Variants in SON observed in about 807,000 individuals in gnomAD.
SON encodes the protein protein SON.
In SON, 4 loss-of-function variants were observed where a neutral mutation model predicts 173.3. The ratio of observed to expected loss-of-function variants is 0.02; its 90% CI spans 0.01 to 0.05. The LOEUF is 0.05. SON is among the 10% of genes least tolerant of loss of function. SON has a pLI of 1.00. For synonymous variants in SON, 1,190 were observed against 1,105.9 expected (o/e 1.08, Z -1.51); for missense variants, 2,626 against 3,055.3 (o/e 0.86, Z 3.31).
At chr21:33,549,335 A>C (rs1280809538) in intron 2 of SON, 141 bp from the exon 3 acceptor site, 2 of 612,660 alleles carry the variant, frequency 3.3e-6, no homozygotes, top group East Asian at 3.2e-5. Context: ...GGCCTCTCAG[A>C]GTGCTAAGAT....
rs1569056292 is a variant in SON at position 33,553,162 on chromosome 21, A to G, written c.3931A>G (p.Thr1311Ala). 5 of 1,614,154 alleles carry G rather than the reference A, an allele frequency of 3.1e-6. No individual in the cohort carries two copies. The East Asian group carries it at 1.1e-4, about 36-fold the overall frequency. ...EPPVMSETAE[T>A]FDSMRASGHV... Reference sequence around the variant, plus strand: ...TCCTGTTATGTCAGAGACAGCAGAAACATTTGATTCCATGAGAGCCTCAGG... The same window carrying G: ...TCCTGTTATGTCAGAGACAGCAGAAGCATTTGATTCCATGAGAGCCTCAGG... The change falls in exon 3 of 12, where the codon ACA becomes GCA. Residue 1311 changes from threonine (T) to alanine (A), a missense_variant. Physicochemically the swap from Thr to Ala is moderately conservative, Grantham distance 58. Around this residue, in one of 13 missense-constraint regions of SON, gnomAD observed 1,006 missense variants for 895.6 expected, o/e 1.12. Transcript: ENST00000356577.
chr21:33,553,774 G>A lies in SON; in HGVS notation c.4543G>A (p.Ala1515Thr), dbSNP rs2085879675. The change falls in exon 3 of 12, where the codon GCT (alanine) becomes ACT (threonine). Residue 1515 changes from alanine (A) to threonine (T), a missense_variant. By Grantham distance (58) the Ala-to-Thr change is moderately conservative. Transcript: ENST00000356577. ...ATTGCATTCAGGTGAAGAACCACAT[G>A]CTGAGGAACACCTGAAAGGTGACTT... ...IALHSGEEPH[A>T]EEHLKGDFYE... 3.7e-6 allele frequency: 6 copies of A among 1,614,084 alleles called. No individual in the cohort carries two copies. The highest frequency in any genetic ancestry group is 5.1e-6 in the Non-Finnish European group (6 of 1,179,998).
In SON at chr21:33,551,325, G is replaced by C. The variant is rs1321088262; in HGVS notation, c.2094G>C (p.Glu698Asp). Reference protein sequence around the residue: ...AQELPTTLVGETSVTVGVDPL... With the variant: ...AQELPTTLVGDTSVTVGVDPL... ...AGCTGCCTACTACATTAGTGGGGGA[G>C]ACTTCTGTAACAGTAGGAGTGGATC... is the stretch of plus-strand genomic sequence containing the variant. The change falls in exon 3 of 12, where the codon GAG (glutamate) becomes GAC (aspartate). Residue 698 changes from glutamate to aspartate, a missense_variant. Physicochemically the swap from Glu to Asp is conservative, Grantham distance 45. This residue lies in a region of SON where 182 missense variants were observed against 193.6 expected (regional missense o/e 0.94). Transcript: ENST00000356577. The C allele has an allele frequency of 6.2e-7, 1 of 1,614,002 alleles. No homozygotes were observed. The highest frequency in any genetic ancestry group is 8.5e-7 in the Non-Finnish European group (1 of 1,179,996).
chr21:33,550,586 A>C lies in SON; in HGVS notation c.1355A>C (p.Glu452Ala). ...ACACCAGTGCCACAGTTGTCGCAGGAATTGCCAGGGCTTCCAGCACCATCC... is the reference window on the plus strand; with the variant it reads ...ACACCAGTGCCACAGTTGTCGCAGGCATTGCCAGGGCTTCCAGCACCATCC... ...SVTPVPQLSQ[E>A]LPGLPAPSMG... Residue 452 changes from glutamate to alanine, a missense_variant, in exon 3 of 12, where the codon GAA becomes GCA. Physicochemically the swap from Glu to Ala is moderately radical, Grantham distance 107. Transcript: ENST00000356577. 1 of 1,613,564 alleles carries C rather than the reference A, an allele frequency of 6.2e-7. No homozygotes were observed. Among genetic ancestry groups the C allele is most frequent in the Non-Finnish European group, 8.5e-7 (1 of 1,179,886 alleles).
chr21:33,573,640 G>A (rs1451866778), intron 9 of SON, among the ~76,000 whole-genome samples, 185 bp downstream of exon 9: 1 of 152,128 alleles, frequency 6.6e-6, no homozygotes, highest in Non-Finnish European at 1.5e-5. Context: ...TATGGATAGA[G>A]ACACCAGTTT....
intron 6 of SON, chr21:33,560,281 G>T (rs2145852739): frequency 2.1e-6 from 3 of 1,427,640 alleles, no homozygotes; most frequent in South Asian, 3.5e-5. Flanking sequence ...TGTTTCTCTG[G>T]GTTGTTTGTC....
In SON at chr21:33,553,711, C is replaced by A. The variant is rs779189159; in HGVS notation, c.4480C>A (p.Gln1494Lys). ...AGGAATTAATCTATCCTCTGGTGAT[C>A]AAAATCTTGCTCCAGAGATTGGCAT... ...MKGINLSSGD[Q>K]NLAPEIGMQE... The change falls in exon 3 of 12, where the codon CAA (glutamine) becomes AAA (lysine). Residue 1494 changes from glutamine to lysine, a missense_variant. Physicochemically the swap from Gln to Lys is moderately conservative, Grantham distance 53. Around this residue, in one of 13 missense-constraint regions of SON, gnomAD observed 1,006 missense variants for 895.6 expected, o/e 1.12. Coordinates refer to ENST00000356577, the MANE Select transcript of SON (RefSeq NM_138927.4). The A allele has an allele frequency of 1.2e-6, 2 of 1,613,922 alleles. No individual in the cohort carries two copies. Among genetic ancestry groups the A allele is most frequent in the South Asian group, 2.2e-5 (2 of 91,046 alleles).
intron 9 of SON, 48 bp from the exon 10 acceptor site, chr21:33,575,548 T>G (rs2086380849): frequency 2.1e-6 from 3 of 1,447,446 alleles, no homozygotes; most frequent in Admixed American, 1.8e-5. Context: ...GATCTTTGTT[T>G]TAAAGTGGTG....
In SON at chr21:33,553,961, T is replaced by A. The variant is rs1362214516; in HGVS notation, c.4730T>A (p.Val1577Glu). Residue 1577 changes from valine to glutamate, a missense_variant, in exon 3 of 12, where the codon GTA becomes GAA. Val to Glu is a moderately radical substitution (Grantham distance 121). Transcript: ENST00000356577. The stretch of plus-strand genomic sequence containing the variant: ...ACCAGTGAGACTAAACAGCGCACAG[T>A]ATTGGATACCTACCCTGGTGTTAGT... ...LPTSETKQRT[V>E]LDTYPGVSEA... The A allele has an allele frequency of 1.2e-6, 2 of 1,613,998 alleles. No homozygotes were observed. Among genetic ancestry groups the A allele is most frequent in the African/African-American group, 2.7e-5 (2 of 74,906 alleles).
At position 33,559,118 on chromosome 21, in the gene SON, C is replaced by T. The variant is rs1215688983; in HGVS notation, c.6322-112C>T. On this transcript the variant is annotated intron_variant, in intron 4 of 11. Transcript: ENST00000356577. The surrounding 1 kb of genome is among the most constrained non-coding windows in gnomAD (Gnocchi z 4.1). ...GCCAAGTTACGTATCTATAACCTAT[C>T]ATGAATCTTGTTTAACTTTGGAAAG... 3.6e-6 allele frequency: 3 copies of T among 824,864 alleles called. No homozygotes were observed. Among genetic ancestry groups the T allele is most frequent in the East Asian group, 5.5e-5 (2 of 36,386 alleles). The allele number at this position is 824,864 out of a possible 1,614,324, so 51.1% of individuals were successfully genotyped here. A position where few individuals can be genotyped will look rare whatever the true frequency, so the allele number is the denominator to read the frequency against.
chr21:33,568,927 C>G, intron 7 of SON, 44 bp from the exon 8 acceptor site: 2 of 1,106,692 alleles, frequency 1.8e-6, no homozygotes, highest in East Asian at 2.4e-5. Context: ...ATGTTTTAAT[C>G]AGGTAATTTT....
chr21:33,557,454 G>A (rs2085990293), intron 4 of SON, 138 bp downstream of exon 4: 2 of 1,543,564 alleles, frequency 1.3e-6, no homozygotes, highest in Non-Finnish European at 1.8e-6. Context: ...ATACAGATGT[G>A]GCAGCGGCAG....
chr21:33,546,766 A>G (rs2085625785), intron 2 of SON: 1 of 153,048 alleles, frequency 6.5e-6, no homozygotes, highest in South Asian at 2.0e-4. Flanking sequence ...GGGCGACAAG[A>G]ATGAAACTCC....
intron 1 of SON, chr21:33,543,458 C>T (rs2085514689): frequency 2.2e-6 from 1 of 449,032 alleles, no homozygotes; most frequent in Admixed American, 3.6e-5. Context: ...TGCCGTTTAG[C>T]TACTCGTAGG....
At chr21:33,548,449 A>G (rs539800527) in intron 2 of SON, among the ~76,000 whole-genome samples, 25 of 152,362 alleles carry the variant, frequency 1.6e-4, no homozygotes, top group Non-Finnish European at 3.1e-4. Context: ...TATTTTTATT[A>G]GAATGTAACG....
At position 33,553,399 on chromosome 21, in the gene SON, A is replaced by G; in HGVS notation, c.4168A>G (p.Thr1390Ala). 6.2e-7 allele frequency: 1 copy of G among 1,613,526 alleles called. No individual in the cohort carries two copies. The highest frequency in any genetic ancestry group is 8.5e-7 in the Non-Finnish European group (1 of 1,179,696). The change falls in exon 3 of 12, where the codon ACT becomes GCT. Residue 1390 changes from threonine to alanine, a missense_variant. Thr to Ala is a moderately conservative substitution (Grantham distance 58, BLOSUM62 0). Transcript: ENST00000356577. ...AACTGTCCTGGAGCCTTCGGTTGTGACTGTCCCGGAGCCTCCTGTTGTGGC... is the reference window on the plus strand; with the variant it reads ...AACTGTCCTGGAGCCTTCGGTTGTGGCTGTCCCGGAGCCTCCTGTTGTGGC... ...TVTVLEPSVVTVPEPPVVAEP... is the reference protein window; with the variant it reads ...TVTVLEPSVVAVPEPPVVAEP...
intron 1 of SON, among the ~76,000 whole-genome samples, chr21:33,543,687 C>G (rs985059759): frequency 6.6e-6 from 1 of 152,220 alleles, no homozygotes; most frequent in South Asian, 2.1e-4. Flanking sequence ...TATTCGGGGC[C>G]TAGTGTCCTG....
At chr21:33,565,697 TGA>T (rs545518335) in intron 6 of SON, among the ~76,000 whole-genome samples, 106 of 152,320 alleles carry the variant, frequency 7.0e-4, no homozygotes, top group African/African-American at 2.5e-3. Flanking sequence ...AAATTACAGT[TGA>T]GAGATTCAAT....
At chr21:33,565,308 T>A (rs1458157333) in intron 6 of SON, among the ~76,000 whole-genome samples, 1 of 152,200 alleles carries the variant, frequency 6.6e-6, no homozygotes, top group Non-Finnish European at 1.5e-5. Flanking sequence ...CCCAGTATCC[T>A]CAGATTTTAG....
Sources: allele counts gnomAD v4.1 joint callset (sites outside exome capture counted in the v4.1 genomes callset), GRCh38; gene constraint gnomAD v4.1.1; regional missense constraint gnomAD v4.1.1; non-coding constraint Gnocchi (gnomAD v3.1); transcripts MANE v1.5; gene names NCBI Gene and HGNC (gene_info 2026-07-23, HGNC 2026-07-21).